Variants in GAMT observed in about 807,000 individuals in gnomAD.
GAMT encodes the protein guanidinoacetate N-methyltransferase.
GAMT carries 26 observed loss-of-function variants against 26.9 expected under a neutral mutation model. The ratio of observed to expected loss-of-function variants is 0.97; its 90% CI spans 0.71 to 1.34. The LOEUF is 1.34. Ranked by LOEUF, GAMT falls within the 40% of genes most tolerant of loss-of-function variation. The probability of loss-of-function intolerance (pLI) is 0.00; values close to 1 mark genes in which losing one functional copy is unlikely to be tolerated. For missense variants in GAMT, 412 were observed against 345.0 expected, an observed-to-expected ratio of 1.19 and a Z score of -1.54; for synonymous variants, 169 against 149.6, an observed-to-expected ratio of 1.13 and a Z score of -0.95.
At chr19:1,397,546 C>A in intron 5 of GAMT, 47 bp from the exon 6 acceptor site, 2 of 1,595,840 alleles carry the variant, frequency 1.3e-6, no homozygotes, top group South Asian at 1.1e-5. Flanking sequence ...ATGGGGGTCA[C>A]GTGCACCCTG....
chr19:1,398,026 T>C (rs909742135), intron 5 of GAMT: 1 of 1,020,356 alleles, frequency 9.8e-7, no homozygotes, highest in South Asian at 3.8e-5. Flanking sequence ...ACGCAGGGCT[T>C]AGGCTGAACC....
intron 1 of GAMT, among the ~76,000 whole-genome samples, chr19:1,400,639 C>T (rs2082628635): frequency 6.6e-6 from 1 of 152,204 alleles, no homozygotes; most frequent in African/African-American, 2.4e-5. Flanking sequence ...CCAGGCAAGA[C>T]CTGGACTTGA....
At position 1,399,794 on chromosome 19, in the gene GAMT, TTG is replaced by T. The variant is rs2144638048; in HGVS notation, c.324_325del (p.His108GlnfsTer18). Reference sequence around the variant, plus strand: ...GAGGGCCTGCGGGCAGAGGGGCACCTTGTGTGTCTGCCGTGGGGCCCAGTCCC... The same window carrying T: ...GAGGGCCTGCGGGCAGAGGGGCACCTTGTGTCTGCCGTGGGGCCCAGTCCC... On this transcript the variant is annotated frameshift_variant and splice_region_variant, in exon 2 of 6. Coordinates refer to ENST00000252288, the MANE Select transcript of GAMT (RefSeq NM_000156.6). LOFTEE classifies it high-confidence loss of function. This position sits in a 1 kb window ranked among gnomAD's most constrained non-coding sequence, Gnocchi z 6.2. 6.4e-7 allele frequency: 1 copy of T among 1,563,010 alleles called. No homozygotes were observed. The highest frequency in any genetic ancestry group is 8.7e-7 in the Non-Finnish European group (1 of 1,154,668).
intron 1 of GAMT, 126 bp from the exon 2 acceptor site, chr19:1,400,064 G>A (rs2082625105): frequency 8.5e-7 from 1 of 1,178,150 alleles, no homozygotes; most frequent in African/African-American, 1.5e-5. Flanking sequence ...GGCTGGGCTG[G>A]GGGTCTGCCT....
intron 5 of GAMT, chr19:1,398,246 C>T (rs2082611699): frequency 1.4e-5 from 3 of 220,190 alleles, no homozygotes; most frequent in Non-Finnish European, 2.3e-5. Context: ...TACAGGCGCC[C>T]GCCACCACGC....
In GAMT at chr19:1,399,818, TC is replaced by T. The variant is rs780806777; in HGVS notation, c.301del (p.Asp101ThrfsTer13). 2.5e-6 allele frequency: 4 copies of T among 1,577,158 alleles called. No homozygotes were observed. The highest frequency in any genetic ancestry group is 3.4e-6 in the Non-Finnish European group (4 of 1,162,318). ...CTTGTGTGTCTGCCGTGGGGCCCAG[TC>T]CCGGAGCCGCTGGAAGACGCCGTCA... is the stretch of plus-strand genomic sequence containing the variant. ...CNDGVFQRLR[D>X]WAPRQTHKVI... is the part of the protein sequence containing the mutation. On this transcript the variant is annotated frameshift_variant, in exon 2 of 6. Coordinates refer to ENST00000252288, the MANE Select transcript of GAMT (RefSeq NM_000156.6). LOFTEE classifies it high-confidence loss of function. The surrounding 1 kb of genome is among the most constrained non-coding windows in gnomAD (Gnocchi z 6.2).
intron 1 of GAMT, 32 bp downstream of exon 1, chr19:1,401,264 C>A: frequency 1.4e-6 from 2 of 1,413,400 alleles, no homozygotes; most frequent in South Asian, 1.5e-5. Context: ...CCCCTGCGCC[C>A]CCGGGGGCGG....
intron 5 of GAMT, chr19:1,397,835 T>C (rs2082609509): frequency 1.7e-6 from 2 of 1,172,948 alleles, no homozygotes; most frequent in South Asian, 4.2e-5. Flanking sequence ...TAGTTCCCAT[T>C]TTGGAAGAAA....
At chr19:1,400,049 C>A in intron 1 of GAMT, 111 bp from the exon 2 acceptor site, 3 of 1,212,898 alleles carry the variant, frequency 2.5e-6, no homozygotes, top group Non-Finnish European at 3.3e-6. Flanking sequence ...GAGGAGGGGG[C>A]GCAGGGCTGG....
At position 1,399,260 on chromosome 19, in the gene GAMT, G is replaced by C. The variant is rs1379392149; in HGVS notation, c.392-65C>G. On this transcript the variant is annotated intron_variant, in intron 3 of 5. Transcript: ENST00000252288. This position sits in a 1 kb window ranked among gnomAD's most constrained non-coding sequence, Gnocchi z 6.2. ...TCAGCGCCTCACCCAGCCTCACCCGGCTCATCCCCCAGCGGGTGGAGGTGC... is the reference window on the plus strand; with the variant it reads ...TCAGCGCCTCACCCAGCCTCACCCGCCTCATCCCCCAGCGGGTGGAGGTGC... 3.3e-5 allele frequency: 51 copies of C among 1,550,700 alleles called. No homozygotes were observed. Among genetic ancestry groups the C allele is most frequent in the Non-Finnish European group, 3.9e-5 (44 of 1,123,576 alleles).
chr19:1,397,249 GCTT>G lies in GAMT; in HGVS notation c.*107_*109del. ...GACCCCTCACAGAGAAGCCGGGAAA[GCTT>G]CTGGTGACACACAGCTGGGATCAGC... is the stretch of plus-strand genomic sequence containing the variant. On this transcript the variant is annotated 3_prime_UTR_variant, in exon 6 of 6. Coordinates refer to ENST00000252288, the MANE Select transcript of GAMT (RefSeq NM_000156.6). 1.1e-5 allele frequency: 15 copies of G among 1,337,126 alleles called. 1 individual carries two copies. The South Asian group carries it at 1.7e-4, about 15-fold the overall frequency. The allele number at this position is 1,337,126 out of a possible 1,614,324, so 82.8% of individuals were successfully genotyped here. A position where few individuals can be genotyped will look rare whatever the true frequency, so the allele number is the denominator to read the frequency against.
At chr19:1,400,649 A>G (rs575366307) in intron 1 of GAMT, among the ~76,000 whole-genome samples, 62 of 152,256 alleles carry the variant, frequency 4.1e-4, no homozygotes, top group African/African-American at 1.4e-3. Context: ...CCTGGACTTG[A>G]GACTATCTGG....
At position 1,399,449 on chromosome 19, in the gene GAMT, G is replaced by A. The variant is rs2082620210; in HGVS notation, c.391+75C>T. On this transcript the variant is annotated intron_variant, in intron 3 of 5. Coordinates refer to ENST00000252288, the MANE Select transcript of GAMT (RefSeq NM_000156.6). This position sits in a 1 kb window ranked among gnomAD's most constrained non-coding sequence, Gnocchi z 6.2. Reference sequence around the variant, plus strand: ...CTGTCCCCCCAGTGCACATCAGAGGGACCCCCACAAGCAAAGGAGGGGCTG... The same window carrying A: ...CTGTCCCCCCAGTGCACATCAGAGGAACCCCCACAAGCAAAGGAGGGGCTG... 4 of 1,376,232 alleles carry A rather than the reference G, an allele frequency of 2.9e-6. No individual in the cohort carries two copies. Among genetic ancestry groups the A allele is most frequent in the South Asian group, 1.3e-5 (1 of 79,804 alleles). The allele number at this position is 1,376,232 out of a possible 1,614,324, so 85.3% of individuals were successfully genotyped here.
chr19:1,401,457 G>A lies in GAMT; in HGVS notation c.20C>T (p.Thr7Ile). 1.4e-6 allele frequency: 2 copies of A among 1,391,346 alleles called. No individual in the cohort carries two copies. The highest frequency in any genetic ancestry group is 2.6e-4 in the Middle Eastern group (1 of 3,898). 86.2% of individuals were successfully genotyped at this position (1,391,346 alleles called of 1,614,324 possible). The change falls in exon 1 of 6, where the codon ACC becomes ATC. Residue 7 changes from threonine to isoleucine, a missense_variant. Transcript: ENST00000252288. ...GTTCTCGCCGGGCGCGAAGATGGGG[G>A]TCGCGCTGGGGGCGCTCATGCTGCA... MSAPSATPIFAPGENCS... is the reference protein window; with the variant it reads MSAPSAIPIFAPGENCS...
In GAMT at chr19:1,397,473, C is replaced by T; in HGVS notation, c.597G>A (p.Glu199=). 1 of 1,607,504 alleles carries T rather than the reference C, an allele frequency of 6.2e-7. No individual in the cohort carries two copies. The highest frequency in any genetic ancestry group is 8.5e-7 in the Non-Finnish European group (1 of 1,179,876). The change falls in exon 6 of 6, where the codon GAG becomes GAA. Residue 199 remains glutamate (E), a synonymous_variant. Coordinates refer to ENST00000252288, the MANE Select transcript of GAMT (RefSeq NM_000156.6). ...FEETQVPALL[E]AGFRRENIRT... is the part of the protein sequence containing the mutation. Reference sequence around the variant, plus strand: ...GGATGTTCTCCCTCCGGAAGCCGGCCTCCAGCAGCGCGGGCACCTGCGTCT... The same window carrying T: ...GGATGTTCTCCCTCCGGAAGCCGGCTTCCAGCAGCGCGGGCACCTGCGTCT...
chr19:1,401,280 G>T lies in GAMT; in HGVS notation c.181+16C>A, dbSNP rs776931007. 12 of 1,468,832 alleles carry T rather than the reference G, an allele frequency of 8.2e-6. No homozygotes were observed. The highest frequency in any genetic ancestry group is 1.4e-5 in the African/African-American group (1 of 68,982). The allele number at this position is 1,468,832 out of a possible 1,614,324, so 91.0% of individuals were successfully genotyped here. On this transcript the variant is annotated intron_variant, in intron 1 of 5. Transcript: ENST00000252288. ...CCCTGCGCCCCCGGGGGCGGTGCAG[G>T]CCGGGCGGGGGCTACCTTTGGAGGA...
chr19:1,397,533 G>A, intron 5 of GAMT, 34 bp from the exon 6 acceptor site: 1 of 1,598,602 alleles, frequency 6.3e-7, no homozygotes, highest in Non-Finnish European at 8.5e-7. Flanking sequence ...ACCTCTGAGG[G>A]CCATGGGGGT....
At chr19:1,398,156 G>C (rs904665314) in intron 5 of GAMT, 21 of 902,130 alleles carry the variant, frequency 2.3e-5, no homozygotes, top group Admixed American at 5.6e-5. Context: ...GGAGTACAAC[G>C]GTGCAATCTC....
chr19:1,399,800 G>A lies in GAMT; in HGVS notation c.320C>T (p.Thr107Ile), dbSNP rs866376854. 1 of 1,566,058 alleles carries A rather than the reference G, an allele frequency of 6.4e-7. No homozygotes were observed. Among genetic ancestry groups the A allele is most frequent in the Non-Finnish European group, 8.6e-7 (1 of 1,156,240 alleles). ...QRLRDWAPRQ[T>I]HKVIPLKGLW... is the part of the protein sequence containing the mutation. ...CTGCGGGCAGAGGGGCACCTTGTGT[G>A]TCTGCCGTGGGGCCCAGTCCCGGAG... The change falls in exon 2 of 6, where the codon ACA becomes ATA. Residue 107 changes from threonine to isoleucine, a missense_variant. Transcript: ENST00000252288. This position sits in a 1 kb window ranked among gnomAD's most constrained non-coding sequence, Gnocchi z 6.2.
Sources: gnomAD v4.1 joint callset for allele counts (sites outside exome capture counted in the v4.1 genomes callset) on GRCh38, gnomAD v4.1.1 for gene constraint, Gnocchi (gnomAD v3.1) non-coding constraint, MANE v1.5 for transcripts, NCBI Gene and HGNC (gene_info 2026-07-23, HGNC 2026-07-21) for gene names.